CIROZ: variants seen among roughly 807,000 people sequenced by gnomAD.
The protein encoded by CIROZ is ciliated left-right organizer ZP-N domains-containing protein.
chr1:10,953,971 G>GGT, the CIROZ span: 1 of 1,573,582 alleles, frequency 6.4e-7, no homozygotes, highest in South Asian at 1.2e-5. Context: ...GGGTTTGTGT[G>GGT]GTGTGTGCCT....
chr1:10,966,469 G>C, the CIROZ span: 1 of 1,534,002 alleles, frequency 6.5e-7, no homozygotes, highest in South Asian at 1.2e-5. Flanking sequence ...GGTGGTCAGG[G>C]GACCTCCAGG....
chr1:10,958,872 T>C, the CIROZ span: 1 of 945,598 alleles, frequency 1.1e-6, no homozygotes, highest in Non-Finnish European at 1.6e-6. Context: ...GAGAGAGCTG[T>C]GCCGCAGGGT....
At chr1:10,970,067 G>A in the CIROZ span, 1 of 1,524,208 alleles carries the variant, frequency 6.6e-7, no homozygotes, top group Admixed American at 2.0e-5. Context: ...ACTCAACTGT[G>A]TCTGTCCAAC....
the CIROZ span, chr1:10,949,509 T>C: frequency 1.7e-6 from 2 of 1,196,974 alleles, no homozygotes; most frequent in East Asian, 5.1e-5. Flanking sequence ...GGGCTCTCTT[T>C]GGAAGAATGG....
At chr1:10,962,562 G>A in the CIROZ span, among the ~76,000 whole-genome samples, 15 of 152,314 alleles carry the variant, frequency 9.8e-5, no homozygotes, top group Non-Finnish European at 4.4e-5. Context: ...CTGGAGTGCA[G>A]TCCAGCCTCA....
chr1:10,958,597 G>T, the CIROZ span: 2 of 1,231,198 alleles, frequency 1.6e-6, no homozygotes, highest in Non-Finnish European at 1.2e-6. Flanking sequence ...TACCATCCAC[G>T]ACACTCTCCG....
chr1:10,965,754 C>T, the CIROZ span, among the ~76,000 whole-genome samples: 2 of 148,570 alleles, frequency 1.3e-5, no homozygotes, highest in South Asian at 2.1e-4. Context: ...ACCTGGGAGG[C>T]GGAAGTTGCA....
chr1:10,972,319 C>T, the CIROZ span, among the ~76,000 whole-genome samples: 1 of 152,060 alleles, frequency 6.6e-6, no homozygotes, highest in Non-Finnish European at 1.5e-5. Flanking sequence ...GCAGCAGGAT[C>T]GCCTTTACCC....
the CIROZ span, chr1:10,949,339 T>C: frequency 0.017 from 8,197 of 482,860 alleles, 387 homozygotes; most frequent in African/African-American, 0.11. Context: ...CCCCCCACCC[T>C]CTGCTGCCTC....
At chr1:10,971,154 A>C in the CIROZ span, among the ~76,000 whole-genome samples, 1 of 12,798 alleles carries the variant, frequency 7.8e-5, no homozygotes, top group Non-Finnish European at 1.6e-4. Context: ...ACCTCAAAAA[A>C]AAAAAAGAAA....
chr1:10,948,170 C>G, the CIROZ span: 1 of 1,613,706 alleles, frequency 6.2e-7, no homozygotes, highest in Non-Finnish European at 8.5e-7. Flanking sequence ...TGGAGAGTCC[C>G]GGCCCCTCTA....
At chr1:10,974,923 G>A in the CIROZ span, among the ~76,000 whole-genome samples, 1 of 152,214 alleles carries the variant, frequency 6.6e-6, no homozygotes, top group Non-Finnish European at 1.5e-5. The surrounding 1 kb of genome is among the most constrained non-coding windows in gnomAD (Gnocchi z 4.4). Context: ...AGATAGTGTT[G>A]GAGACTCTTG....
At chr1:10,958,836 G>C in the CIROZ span, 1 of 1,420,268 alleles carries the variant, frequency 7.0e-7, no homozygotes, top group Non-Finnish European at 9.8e-7. Context: ...CATCAGCACC[G>C]GCAATTACCC....
At chr1:10,967,611 T>C in the CIROZ span, among the ~76,000 whole-genome samples, 1 of 152,188 alleles carries the variant, frequency 6.6e-6, no homozygotes, top group Admixed American at 6.6e-5. Context: ...TATTTGTCTG[T>C]TTTGTTCATT....
At chr1:10,970,156 G>A in the CIROZ span, 7 of 1,358,748 alleles carry the variant, frequency 5.2e-6, no homozygotes, top group South Asian at 7.3e-5. Flanking sequence ...AAGGAAGGAA[G>A]AAAGGAAGGA....
chr1:10,972,017 G>A, the CIROZ span, among the ~76,000 whole-genome samples: 23 of 152,328 alleles, frequency 1.5e-4, no homozygotes, highest in Middle Eastern at 3.4e-3. Flanking sequence ...TGTTCACCAT[G>A]GCATCCCCAA....
At chr1:10,953,387 T>C in the CIROZ span, among the ~76,000 whole-genome samples, 2 of 152,258 alleles carry the variant, frequency 1.3e-5, no homozygotes, top group Non-Finnish European at 2.9e-5. Context: ...CATGTGTGAA[T>C]ACCAGGTTGT....
chr1:10,964,723 C>A, the CIROZ span, among the ~76,000 whole-genome samples: 1 of 152,162 alleles, frequency 6.6e-6, no homozygotes, highest in South Asian at 2.1e-4. Context: ...CTCCACCTCC[C>A]GGGTTCAAGC....
chr1:10,955,247 T>TAA, the CIROZ span: 3 of 1,479,968 alleles, frequency 2.0e-6, no homozygotes, highest in Non-Finnish European at 2.7e-6. Context: ...GTGGACAAAT[T>TAA]AAGTGGTGGT....
Sources: allele counts gnomAD v4.1 joint callset (sites outside exome capture counted in the v4.1 genomes callset), GRCh38; gene constraint gnomAD v4.1.1; non-coding constraint Gnocchi (gnomAD v3.1); transcripts MANE v1.5; gene names NCBI Gene and HGNC (gene_info 2026-07-23, HGNC 2026-07-21).